DNAH1: variants seen among roughly 807,000 people sequenced by gnomAD.
The protein encoded by DNAH1 is dynein axonemal heavy chain 1, also known as axonemal beta dynein heavy chain 1.
Under a neutral mutation model 484.3 loss-of-function variants are expected in DNAH1, and 327 were observed. That is an observed-to-expected ratio of 0.68 (90% CI 0.62 to 0.74). The LOEUF is 0.74. Among genes scored for constraint, DNAH1 ranks in the 30% least tolerant of loss-of-function variants. The pLI is 0.00. For missense variants in DNAH1, 5,052 were observed against 5,546.8 expected (o/e 0.91, Z 2.83); for synonymous variants, 2,192 against 2,191.9 (o/e 1.00, Z 0.00).
Position 52,353,043 on chromosome 3 carries a change from A to T in DNAH1, c.3028-60A>T. ...AGGACCTGGCCCAAGAAGGGGCAACATGGAGAGAGACTGGGAAGTGTCCCA... is the reference window on the plus strand; with the variant it reads ...AGGACCTGGCCCAAGAAGGGGCAACTTGGAGAGAGACTGGGAAGTGTCCCA... On this transcript the variant is annotated intron_variant, in intron 18 of 77. Transcript: ENST00000420323. This position sits in a 1 kb window ranked among gnomAD's most constrained non-coding sequence, Gnocchi z 5.0. 6.6e-7 allele frequency: 1 copy of T among 1,522,540 alleles called. No homozygotes were observed. Among genetic ancestry groups the T allele is most frequent in the Non-Finnish European group, 8.9e-7 (1 of 1,121,960 alleles). The allele number at this position is 1,522,540 out of a possible 1,614,324, so 94.3% of individuals were successfully genotyped here.
chr3:52,375,885 C>T, intron 45 of DNAH1, 70 bp from the exon 46 acceptor site: 3 of 1,569,566 alleles, frequency 1.9e-6, no homozygotes, highest in Non-Finnish European at 2.6e-6. Flanking sequence ...CCCACCATCT[C>T]ACCTGGCCAG....
chr3:52,364,923 C>T lies in DNAH1; in HGVS notation c.5422C>T (p.Leu1808=). The T allele has an allele frequency of 6.2e-7, 1 of 1,614,008 alleles. No homozygotes were observed. Residue 1808 remains leucine, a synonymous_variant, in exon 34 of 78, where the codon CTG becomes TTG. Transcript: ENST00000420323. This position sits in a 1 kb window ranked among gnomAD's most constrained non-coding sequence, Gnocchi z 4.2. ...LKLFSGIVSD[L]FPTIKEEDTD... is the part of the protein sequence containing the mutation. ...GCTCTTCTCTGGCATCGTGTCCGAC[C>T]TGTTTCCCACCATCAAGGAGGAGGA...
intron 54 of DNAH1, among the ~76,000 whole-genome samples, chr3:52,385,772 A>G (rs1223520307): frequency 6.6e-6 from 1 of 152,224 alleles, no homozygotes; most frequent in East Asian, 1.9e-4. Flanking sequence ...CAGTTTGTGT[A>G]TTCCTTATGA....
At position 52,400,380 on chromosome 3, in the gene DNAH1, C is replaced by A. The variant is rs1189322034; in HGVS notation, c.12732C>A (p.Pro4244=). 6.2e-7 allele frequency: 1 copy of A among 1,614,062 alleles called. No homozygotes were observed. Among genetic ancestry groups the A allele is most frequent in the South Asian group, 1.1e-5 (1 of 91,090 alleles). ...STNYVIAVEI[P]THQPQRHWIK... The stretch of plus-strand genomic sequence containing the variant: ...ACTATGTCATTGCTGTGGAGATCCC[C>A]ACCCATCAGCCCCAGCGACACTGGA... The change falls in exon 78 of 78, where the codon CCC becomes CCA. Residue 4244 remains proline (P), a synonymous_variant. Coordinates refer to ENST00000420323, the MANE Select transcript of DNAH1 (RefSeq NM_015512.5).
In DNAH1 at chr3:52,390,925, C is replaced by T; in HGVS notation, c.9622-10C>T. On this transcript the variant is annotated splice_polypyrimidine_tract_variant and intron_variant, in intron 60 of 77. Coordinates refer to ENST00000420323, the MANE Select transcript of DNAH1 (RefSeq NM_015512.5). ...AGCTCTGACCCAGTCCAGTGCCTGG[C>T]TCTCCACAGATCGCTGGCCTCCCCA... 1 of 1,551,674 alleles carries T rather than the reference C, an allele frequency of 6.4e-7. No individual in the cohort carries two copies. The highest frequency in any genetic ancestry group is 1.4e-5 in the African/African-American group (1 of 73,178).
upstream of DNAH1, among the ~76,000 whole-genome samples, chr3:52,315,618 G>A (rs184908316): frequency 6.6e-6 from 1 of 152,304 alleles, no homozygotes; most frequent in Admixed American, 6.5e-5. Context: ...TAGAAACCTA[G>A]TCCTCCCATT....
At chr3:52,341,771 T>G (rs1368347690) in intron 8 of DNAH1, among the ~76,000 whole-genome samples, 1 of 152,014 alleles carries the variant, frequency 6.6e-6, no homozygotes, top group Non-Finnish European at 1.5e-5. Flanking sequence ...CATCTTCCCC[T>G]GAGTCAAGTG....
At position 52,355,494 on chromosome 3, in the gene DNAH1, G is replaced by T. The variant is rs140749528; in HGVS notation, c.3693+439G>T. ...TCTCATCTCATTTGGAGCTACCTTG[G>T]TTGAGGGGACTGGGCCACCAGGGAC... is the stretch of plus-strand genomic sequence containing the variant. On this transcript the variant is annotated intron_variant, in intron 21 of 77. Transcript: ENST00000420323. The surrounding 1 kb of genome is among the most constrained non-coding windows in gnomAD (Gnocchi z 4.5). Among the ~76,000 whole-genome samples the T allele has an allele frequency of 5.2e-4, 79 of 152,358 alleles. No individual in the cohort carries two copies. The highest frequency in any genetic ancestry group is 1.0e-3 in the Non-Finnish European group (69 of 68,040).
chr3:52,323,484 A>T (rs939766744), intron 2 of DNAH1, among the ~76,000 whole-genome samples: 1 of 152,152 alleles, frequency 6.6e-6, no homozygotes, highest in Non-Finnish European at 1.5e-5. Flanking sequence ...GAGAGGAGGT[A>T]TGTACAGAGA....
At position 52,377,141 on chromosome 3, in the gene DNAH1, A is replaced by G. The variant is rs532131004; in HGVS notation, c.7198+1148A>G. On this transcript the variant is annotated intron_variant, in intron 46 of 77. Transcript: ENST00000420323. ...CTCTCCCATGAATGCCTGATTCCACATCTTCCCTGGGATGTCCACAGGGTA... is the reference window on the plus strand; with the variant it reads ...CTCTCCCATGAATGCCTGATTCCACGTCTTCCCTGGGATGTCCACAGGGTA... Among the ~76,000 whole-genome samples, 4 of 152,116 alleles carry G rather than the reference A, an allele frequency of 2.6e-5. No individual in the cohort carries two copies. In the South Asian group the frequency reaches 6.2e-4, roughly 24 times the overall value.
chr3:52,323,818 G>A lies in DNAH1; in HGVS notation c.344G>A (p.Arg115His), dbSNP rs755171391. Residue 115 changes from arginine to histidine, a missense_variant, in exon 3 of 78, where the codon CGT becomes CAT. This residue lies in a region of DNAH1 where 1,263 missense variants were observed against 1,218.8 expected (regional missense o/e 1.04). Coordinates refer to ENST00000420323, the MANE Select transcript of DNAH1 (RefSeq NM_015512.5). ...ATGGTTTGGTTTCAGGAGGTATGTCGTGGCCCCCGAATGAGCCAGAACCTC... is the reference window on the plus strand; with the variant it reads ...ATGGTTTGGTTTCAGGAGGTATGTCATGGCCCCCGAATGAGCCAGAACCTC... ...GTLDQLGEVC[R>H]GPRMSQNLLR... 28 of 1,590,682 alleles carry A rather than the reference G, an allele frequency of 1.8e-5. No homozygotes were observed. Among genetic ancestry groups the A allele is most frequent in the South Asian group, 9.2e-5 (8 of 87,212 alleles).
chr3:52,396,896 A>G lies in DNAH1; in HGVS notation c.11639A>G (p.Asn3880Ser), dbSNP rs371967789. The change falls in exon 73 of 78, where the codon AAT becomes AGT. Residue 3880 changes from asparagine to serine, a missense_variant. Physicochemically the swap from Asn to Ser is conservative, Grantham distance 46. Coordinates refer to ENST00000420323, the MANE Select transcript of DNAH1 (RefSeq NM_015512.5). ...KVLKYTAGEI[N>S]YGGRVTDDWD... is the part of the protein sequence containing the mutation. ...CTCAAGTACACGGCAGGGGAGATCA[A>G]TTACGGGGGCCGTGTCACTGATGAC... 9.3e-6 allele frequency: 15 copies of G among 1,613,336 alleles called. No individual in the cohort carries two copies. In the African/African-American group the frequency reaches 1.6e-4, roughly 17 times the overall value.
At chr3:52,385,128 A>G (rs1022975814) in intron 53 of DNAH1, among the ~76,000 whole-genome samples, 151 bp downstream of exon 53, 1 of 152,204 alleles carries the variant, frequency 6.6e-6, no homozygotes, top group Non-Finnish European at 1.5e-5. Flanking sequence ...CAAAAGAACA[A>G]AAGTTGCCAG....
At chr3:52,334,650 G>A (rs1382392917) in intron 8 of DNAH1, among the ~76,000 whole-genome samples, 1 of 151,910 alleles carries the variant, frequency 6.6e-6, no homozygotes, top group African/African-American at 2.4e-5. Context: ...AAAATTAGCT[G>A]AGCGTGGTGG....
chr3:52,395,424 G>T lies in DNAH1; in HGVS notation c.11085G>T (p.Lys3695Asn). 1.2e-6 allele frequency: 2 copies of T among 1,613,916 alleles called. No homozygotes were observed. Among genetic ancestry groups the T allele is most frequent in the Non-Finnish European group, 1.7e-6 (2 of 1,179,890 alleles). ...TCTACAAGTTTGCCGAAGAAATGAA[G>T]TTCTCCAAAAAGCTCTCTGCCATCT... ...ADLYKFAEEM[K>N]FSKKLSAISL... Residue 3695 changes from lysine (K) to asparagine (N), a missense_variant, in exon 69 of 78, where the codon AAG becomes AAT. Lys to Asn is a moderately conservative substitution (Grantham distance 94). Coordinates refer to ENST00000420323, the MANE Select transcript of DNAH1 (RefSeq NM_015512.5). This position sits in a 1 kb window ranked among gnomAD's most constrained non-coding sequence, Gnocchi z 4.4.
chr3:52,393,899 AAAAT>A (rs1430132623), intron 66 of DNAH1, among the ~76,000 whole-genome samples: 3 of 152,258 alleles, frequency 2.0e-5, no homozygotes, highest in Non-Finnish European at 2.9e-5. Context: ...ATTCTGTCTC[AAAAT>A]AAATAAATAA....
At position 52,361,580 on chromosome 3, in the gene DNAH1, G is replaced by A. The variant is rs1702859154; in HGVS notation, c.4875-81G>A. The A allele has an allele frequency of 4.2e-6, 6 of 1,441,814 alleles. No individual in the cohort carries two copies. Among genetic ancestry groups the A allele is most frequent in the Non-Finnish European group, 5.7e-6 (6 of 1,055,962 alleles). 89.3% of individuals were successfully genotyped at this position (1,441,814 alleles called of 1,614,324 possible). On this transcript the variant is annotated intron_variant, in intron 29 of 77. Transcript: ENST00000420323. The surrounding 1 kb of genome is among the most constrained non-coding windows in gnomAD (Gnocchi z 5.6). ...CCCTGAGGGCTTCCTCCCAAGTGGA[G>A]TTGGAGGGGGCCCTCAGAGGGAGGT...
chr3:52,346,977 T>C (rs1373578030), intron 11 of DNAH1, among the ~76,000 whole-genome samples: 3 of 151,470 alleles, frequency 2.0e-5, no homozygotes, highest in African/African-American at 4.8e-5. Flanking sequence ...CACTCAATCA[T>C]TGAGTTACTC....
chr3:52,327,303 A>C (rs1237140370), intron 5 of DNAH1, among the ~76,000 whole-genome samples: 2 of 152,088 alleles, frequency 1.3e-5, no homozygotes, highest in African/African-American at 4.8e-5. Context: ...CGTGGGGTAT[A>C]AATCAGGAAA....
Sources: gnomAD v4.1 joint callset for allele counts (sites outside exome capture counted in the v4.1 genomes callset) on GRCh38, gnomAD v4.1.1 for gene constraint, gnomAD v4.1.1 regional missense constraint, Gnocchi (gnomAD v3.1) non-coding constraint, MANE v1.5 for transcripts, NCBI Gene and HGNC (gene_info 2026-07-23, HGNC 2026-07-21) for gene names.